ITGAV: variants seen among roughly 807,000 people sequenced by gnomAD.
The protein encoded by ITGAV is integrin subunit alpha V, also known as integrin alpha-V.
In ITGAV, 76 loss-of-function variants were observed where a neutral mutation model predicts 143.8. The observed-to-expected ratio is 0.53, with a 90% CI of 0.44 to 0.64. The LOEUF is 0.64. Ranked by LOEUF, ITGAV falls within the 30% of genes least tolerant of loss-of-function variation. The pLI is 0.00. For missense variants in ITGAV, 1,193 were observed against 1,274.7 expected, an observed-to-expected ratio of 0.94 and a Z score of 0.98; for synonymous variants, 453 against 446.7, an observed-to-expected ratio of 1.01 and a Z score of -0.18.
intron 2 of ITGAV, among the ~76,000 whole-genome samples, chr2:186,616,573 C>T (rs1330163293): frequency 1.3e-5 from 2 of 152,138 alleles, no homozygotes; most frequent in Non-Finnish European, 2.9e-5. Context: ...CCACCGCGCC[C>T]GGCCGATATA....
chr2:186,644,726 C>A (rs75915882), intron 12 of ITGAV, among the ~76,000 whole-genome samples: 1 of 151,858 alleles, frequency 6.6e-6, no homozygotes, highest in Non-Finnish European at 1.5e-5. Context: ...TTACTGCAGG[C>A]CAGGCACTCT....
intron 4 of ITGAV, among the ~76,000 whole-genome samples, chr2:186,626,658 T>TAA (rs1687684447): frequency 6.6e-6 from 1 of 152,222 alleles, no homozygotes. Context: ...CAATAAACAC[T>TAA]TATTTTCTTA....
chr2:186,630,833 G>T lies in ITGAV; in HGVS notation c.560G>T (p.Gly187Val). 1 of 1,585,864 alleles carries T rather than the reference G, an allele frequency of 6.3e-7. No individual in the cohort carries two copies. Among genetic ancestry groups the T allele is most frequent in the Non-Finnish European group, 8.6e-7 (1 of 1,156,138 alleles). ...IDADGQGFCQGGFSIDFTKAD... is the reference protein window; with the variant it reads ...IDADGQGFCQVGFSIDFTKAD... ...GCTGATGGACAGGGATTTTGTCAAG[G>T]AGGATTCAGCATTGATTTTACTAAA... Residue 187 changes from glycine to valine, a missense_variant, in exon 5 of 30, where the codon GGA becomes GTA. By Grantham distance (109) the Gly-to-Val change is moderately radical (BLOSUM62 -3). Transcript: ENST00000261023.
At chr2:186,674,912 G>T (rs1040449443) in intron 26 of ITGAV, among the ~76,000 whole-genome samples, 7 of 152,218 alleles carry the variant, frequency 4.6e-5, no homozygotes, top group African/African-American at 1.7e-4. Context: ...TAGGGAGAAA[G>T]AAGGATGAAG....
At chr2:186,620,884 G>A (rs533634021) in intron 2 of ITGAV, among the ~76,000 whole-genome samples, 7 of 151,930 alleles carry the variant, frequency 4.6e-5, no homozygotes, top group African/African-American at 7.3e-5. Flanking sequence ...GGAGAAAAAC[G>A]TACATATATT....
rs912964090 is a variant in ITGAV at position 186,664,635 on chromosome 2, C to T, written c.2067C>T (p.Asn689=). Residue 689 remains asparagine (N), a synonymous_variant, in exon 20 of 30, where the codon AAC becomes AAT. Transcript: ENST00000261023. The part of the protein sequence containing the change: ...LQADFIGVVR[N]NEALARLSCA... ...CTGATTTCATCGGGGTTGTCCGAAACAATGAAGTAAGCAGGCTGCCTCTTT... is the reference window on the plus strand; with the variant it reads ...CTGATTTCATCGGGGTTGTCCGAAATAATGAAGTAAGCAGGCTGCCTCTTT... 6.2e-7 allele frequency: 1 copy of T among 1,613,898 alleles called. No homozygotes were observed. The highest frequency in any genetic ancestry group is 1.3e-5 in the African/African-American group (1 of 74,904).
chr2:186,666,305 C>G (rs148003185), intron 21 of ITGAV, among the ~76,000 whole-genome samples: 1 of 152,246 alleles, frequency 6.6e-6, no homozygotes, highest in East Asian at 1.9e-4. Flanking sequence ...AGCCATGTTC[C>G]CTTACTCTAG....
intron 7 of ITGAV, among the ~76,000 whole-genome samples, 167 bp from the exon 8 acceptor site, chr2:186,636,898 T>C (rs1263283342): frequency 3.3e-5 from 5 of 152,214 alleles, no homozygotes; most frequent in Non-Finnish European, 5.9e-5. Flanking sequence ...CTCAGTTTCA[T>C]TTAAAATTCA....
intron 21 of ITGAV, 121 bp from the exon 22 acceptor site, chr2:186,666,583 A>C: frequency 2.1e-6 from 1 of 477,160 alleles, no homozygotes; most frequent in Non-Finnish European, 3.7e-6. Flanking sequence ...ATCTTTGTTC[A>C]GTTTTATTGT....
At chr2:186,623,744 T>A (rs1047488535) in intron 3 of ITGAV, among the ~76,000 whole-genome samples, 4 of 152,148 alleles carry the variant, frequency 2.6e-5, no homozygotes, top group African/African-American at 9.7e-5. Context: ...TATTTCCCAA[T>A]TTTTTAGGAG....
chr2:186,596,582 A>G (rs931401196), intron 1 of ITGAV, among the ~76,000 whole-genome samples: 3 of 151,636 alleles, frequency 2.0e-5, no homozygotes, highest in Admixed American at 1.3e-4. Context: ...TATTTTTAGT[A>G]GAGATGGGGT....
At chr2:186,675,515 A>G (rs545476330) in intron 26 of ITGAV, 89 bp from the exon 27 acceptor site, 2 of 862,708 alleles carry the variant, frequency 2.3e-6, no homozygotes, top group South Asian at 3.0e-5. Context: ...TTTGGCCATC[A>G]CACAAAAAGA....
chr2:186,627,934 T>C (rs753360594), intron 4 of ITGAV, among the ~76,000 whole-genome samples: 3 of 152,182 alleles, frequency 2.0e-5, no homozygotes, highest in Non-Finnish European at 4.4e-5. Flanking sequence ...TGCTTTTTGA[T>C]TCAACCTTTG....
chr2:186,664,273 A>G (rs186626691), intron 19 of ITGAV, among the ~76,000 whole-genome samples: 1 of 152,334 alleles, frequency 6.6e-6, no homozygotes, highest in East Asian at 1.9e-4. Context: ...TGATAGTGAT[A>G]TATTAGTGGC....
At chr2:186,650,140 T>G (rs1314202339) in intron 14 of ITGAV, among the ~76,000 whole-genome samples, 2 of 152,216 alleles carry the variant, frequency 1.3e-5, no homozygotes, top group Non-Finnish European at 2.9e-5. Flanking sequence ...ATTAGGATAT[T>G]CATCATCTCA....
intron 26 of ITGAV, among the ~76,000 whole-genome samples, chr2:186,672,776 T>A (rs949899118): frequency 6.6e-6 from 1 of 152,226 alleles, no homozygotes; most frequent in African/African-American, 2.4e-5. Context: ...ATTTGCCTTT[T>A]ATTGTTGAGT....
chr2:186,620,379 G>A (rs2105683118), intron 2 of ITGAV, among the ~76,000 whole-genome samples: 1 of 152,258 alleles, frequency 6.6e-6, no homozygotes, highest in East Asian at 1.9e-4. Flanking sequence ...CCGGGCAAGA[G>A]GACCTTGGAC....
In ITGAV at chr2:186,676,940, G is replaced by T; in HGVS notation, c.3051+5G>T. 1 of 1,612,480 alleles carries T rather than the reference G, an allele frequency of 6.2e-7. No homozygotes were observed. Among genetic ancestry groups the T allele is most frequent in the Non-Finnish European group, 8.5e-7 (1 of 1,179,488 alleles). On this transcript the variant is annotated splice_donor_5th_base_variant and intron_variant, in intron 29 of 29. Transcript: ENST00000261023. ...TTGGTATTTGTAATGTACAGGGTAA[G>T]TAACGGACTTAGAAAGAAGGAGAGA...
At position 186,633,605 on chromosome 2, in the gene ITGAV, C is replaced by T. The variant is rs145407607; in HGVS notation, c.631+231C>T. On this transcript the variant is annotated intron_variant, in intron 6 of 29. Coordinates refer to ENST00000261023, the MANE Select transcript of ITGAV (RefSeq NM_002210.5). ...AAACTGAATATTTAAAAAGTAAATA[C>T]ATACTTTTATGTTAAATATATTTTA... is the stretch of plus-strand genomic sequence containing the variant. Among the ~76,000 whole-genome samples the T allele has an allele frequency of 1.9e-3, 283 of 150,710 alleles. 1 individual carries two copies. The highest frequency in any genetic ancestry group is 6.5e-3 in the African/African-American group (269 of 41,228).
Sources: gnomAD v4.1 joint callset for allele counts (sites outside exome capture counted in the v4.1 genomes callset) on GRCh38, gnomAD v4.1.1 for gene constraint, MANE v1.5 for transcripts, NCBI Gene and HGNC (gene_info 2026-07-23, HGNC 2026-07-21) for gene names.